Variants in SYT9 observed in about 807,000 individuals in gnomAD.
SYT9 encodes the protein synaptotagmin 9.
In SYT9, 22 loss-of-function variants were observed where a neutral mutation model predicts 48.4. That is an observed-to-expected ratio of 0.45 (90% CI 0.32 to 0.65). The LOEUF is 0.65. SYT9 is among the 30% of genes least tolerant of loss of function. The probability of loss-of-function intolerance (pLI) is 0.03; values close to 1 mark genes in which losing one functional copy is unlikely to be tolerated. For synonymous variants in SYT9, 265 were observed against 245.0 expected (o/e 1.08, Z -0.76); for missense variants, 577 against 622.0 (o/e 0.93, Z 0.77).
intron 3 of SYT9, among the ~76,000 whole-genome samples, chr11:7,361,205 T>TA (rs148053341): frequency 0.15 from 22,243 of 152,102 alleles, 2,442 homozygotes; most frequent in African/African-American, 0.31. Flanking sequence ...TGTTGCAGTT[T>TA]GTCTTTTTTC....
At chr11:7,360,186 G>A (rs1301292454) in intron 3 of SYT9, among the ~76,000 whole-genome samples, 1 of 152,104 alleles carries the variant, frequency 6.6e-6, no homozygotes, top group Non-Finnish European at 1.5e-5. Context: ...ATTTCTGAGG[G>A]CTCTGTTCTG....
chr11:7,450,055 A>G (rs1848019256), intron 6 of SYT9, among the ~76,000 whole-genome samples: 1 of 152,076 alleles, frequency 6.6e-6, no homozygotes, highest in South Asian at 2.1e-4. Context: ...CCAATGTTAC[A>G]TTTTCTACTC....
intron 3 of SYT9, among the ~76,000 whole-genome samples, chr11:7,341,880 G>T (rs1470719371): frequency 1.3e-5 from 2 of 152,078 alleles, no homozygotes; most frequent in Non-Finnish European, 2.9e-5. Flanking sequence ...TGGTTTAATG[G>T]ACTCATAGTT....
At chr11:7,330,846 A>C (rs1202474386) in intron 3 of SYT9, among the ~76,000 whole-genome samples, 1 of 152,046 alleles carries the variant, frequency 6.6e-6, no homozygotes, top group African/African-American at 2.4e-5. Flanking sequence ...ACAGGTGCCC[A>C]CCACTACACC....
chr11:7,385,369 T>TGC (rs374819243), intron 3 of SYT9, among the ~76,000 whole-genome samples: 10,962 of 147,918 alleles, frequency 0.074, 685 homozygotes, highest in East Asian at 0.14. Context: ...TGTGTGTGTG[T>TGC]GCGTGTGTGT....
chr11:7,274,204 C>G (rs1389408944), intron 1 of SYT9, among the ~76,000 whole-genome samples: 1 of 152,142 alleles, frequency 6.6e-6, no homozygotes, highest in Admixed American at 6.5e-5. Flanking sequence ...TCTTTTCCTT[C>G]CAGTGGAGCC....
At chr11:7,382,042 G>T (rs2134046995) in intron 3 of SYT9, among the ~76,000 whole-genome samples, 1 of 152,250 alleles carries the variant, frequency 6.6e-6, no homozygotes, top group South Asian at 2.1e-4. Flanking sequence ...GTGTGTCAGT[G>T]CATCAGCCCA....
At chr11:7,245,490 T>C (rs938381382) in intron 1 of SYT9, among the ~76,000 whole-genome samples, 1 of 152,104 alleles carries the variant, frequency 6.6e-6, no homozygotes, top group Admixed American at 6.6e-5. Flanking sequence ...AAAGGCTTTT[T>C]TCGTCAGCAT....
chr11:7,350,018 A>T (rs1189888554), intron 3 of SYT9, among the ~76,000 whole-genome samples: 1 of 152,170 alleles, frequency 6.6e-6, no homozygotes, highest in Non-Finnish European at 1.5e-5. Context: ...CCACCCTGTG[A>T]GTCACTCATG....
chr11:7,433,935 T>C lies in SYT9; in HGVS notation c.1467+13300T>C, dbSNP rs75560392. On this transcript the variant is annotated intron_variant, in intron 6 of 6. Coordinates refer to ENST00000318881, the MANE Select transcript of SYT9 (RefSeq NM_175733.4). Reference sequence around the variant, plus strand: ...AATCACATCAAAAAATAAGGCTGAGTTGGAGCCAGCAACATTTATTCACAA... The same window carrying C: ...AATCACATCAAAAAATAAGGCTGAGCTGGAGCCAGCAACATTTATTCACAA... 1.4e-4 allele frequency among the ~76,000 whole-genome samples: 22 copies of C among 152,282 alleles called. No individual in the cohort carries two copies. In the East Asian group the frequency reaches 3.3e-3, roughly 23 times the overall value.
chr11:7,326,551 T>C (rs1849439623), intron 3 of SYT9, among the ~76,000 whole-genome samples: 1 of 151,878 alleles, frequency 6.6e-6, no homozygotes, highest in Non-Finnish European at 1.5e-5. Flanking sequence ...TTGTTGATCC[T>C]TTGAATTGGA....
intron 2 of SYT9, among the ~76,000 whole-genome samples, chr11:7,307,374 T>C (rs1849051614): frequency 6.6e-6 from 1 of 152,230 alleles, no homozygotes; most frequent in Non-Finnish European, 1.5e-5. Flanking sequence ...TTCTTCAGAT[T>C]TAAATTAACT....
At chr11:7,258,070 A>G (rs1848008201) in intron 1 of SYT9, among the ~76,000 whole-genome samples, 1 of 152,228 alleles carries the variant, frequency 6.6e-6, no homozygotes. Flanking sequence ...TGTATAGAGC[A>G]TAGATGTTGC....
chr11:7,390,339 TATAA>T (rs1850739736), intron 3 of SYT9, among the ~76,000 whole-genome samples: 1 of 152,226 alleles, frequency 6.6e-6, no homozygotes, highest in Non-Finnish European at 1.5e-5. Flanking sequence ...TTCCACTGTG[TATAA>T]ATATTATTTT....
At chr11:7,404,074 T>C (rs954042374) in intron 3 of SYT9, among the ~76,000 whole-genome samples, 2 of 152,208 alleles carry the variant, frequency 1.3e-5, no homozygotes, top group African/African-American at 2.4e-5. Context: ...TTGTCTGATA[T>C]TAATTTAGCC....
At position 7,357,494 on chromosome 11, in the gene SYT9, T is replaced by C. The variant is rs117592629; in HGVS notation, c.1044+43553T>C. On this transcript the variant is annotated intron_variant, in intron 3 of 6. Transcript: ENST00000318881. ...GATGGTAATGCAGATGAACCGATAG[T>C]AATTGGGCCCCAGCTTCTCTGAGAG... is the stretch of plus-strand genomic sequence containing the variant. Among the ~76,000 whole-genome samples, 669 of 152,268 alleles carry C rather than the reference T, an allele frequency of 4.4e-3. 3 individuals are homozygous for C. The highest frequency in any genetic ancestry group is 0.019 in the South Asian group (92 of 4,822).
At position 7,313,304 on chromosome 11, in the gene SYT9, A is replaced by T. The variant is rs1456195075; in HGVS notation, c.498-91A>T. 18 of 1,341,686 alleles carry T rather than the reference A, an allele frequency of 1.3e-5. No homozygotes were observed. In the Admixed American group the frequency reaches 3.9e-4, roughly 29 times the overall value. The allele number at this position is 1,341,686 out of a possible 1,614,324, so 83.1% of individuals were successfully genotyped here. ...CACAGATCTAAGCTCCTGACAAAAT[A>T]TAACAGTCTACCTACATCCCAGGCA... is the stretch of plus-strand genomic sequence containing the variant. On this transcript the variant is annotated intron_variant, in intron 2 of 6. Coordinates refer to ENST00000318881, the MANE Select transcript of SYT9 (RefSeq NM_175733.4).
intron 1 of SYT9, among the ~76,000 whole-genome samples, chr11:7,239,972 A>C (rs568196851): frequency 6.6e-6 from 1 of 152,302 alleles, no homozygotes; most frequent in Non-Finnish European, 1.5e-5. Flanking sequence ...TATGAACTGG[A>C]GAGTCATCAG....
At chr11:7,431,277 G>C (rs1319147925) in intron 6 of SYT9, among the ~76,000 whole-genome samples, 1 of 152,204 alleles carries the variant, frequency 6.6e-6, no homozygotes, top group African/African-American at 2.4e-5. Flanking sequence ...GTTTGCACAT[G>C]AGAGTGATGA....
Sources: gnomAD v4.1 joint callset for allele counts (sites outside exome capture counted in the v4.1 genomes callset) on GRCh38, gnomAD v4.1.1 for gene constraint, MANE v1.5 for transcripts, NCBI Gene and HGNC (gene_info 2026-07-23, HGNC 2026-07-21) for gene names.